CCDC141: variants seen among roughly 807,000 people sequenced by gnomAD.
The protein encoded by CCDC141 is coiled-coil domain containing 141.
In CCDC141, 168 loss-of-function variants were observed where a neutral mutation model predicts 181.0. That is an observed-to-expected ratio of 0.93 (90% CI 0.82 to 1.05). The LOEUF (loss-of-function observed/expected upper bound fraction) is 1.05. Among genes scored for constraint, CCDC141 ranks in the 50% least tolerant of loss-of-function variants. The pLI is 0.00. For missense variants in CCDC141, 1,902 were observed against 1,788.5 expected (o/e 1.06, Z -1.14); for synonymous variants, 666 against 642.3 (o/e 1.04, Z -0.56).
chr2:178,912,656 G>A (rs546604097), intron 7 of CCDC141, among the ~76,000 whole-genome samples: 3 of 152,242 alleles, frequency 2.0e-5, no homozygotes, highest in South Asian at 2.1e-4. Flanking sequence ...GGTGAGGTTT[G>A]CATCATCATG....
chr2:179,006,460 T>A (rs187529133), intron 2 of CCDC141, among the ~76,000 whole-genome samples: 30 of 152,286 alleles, frequency 2.0e-4, no homozygotes, highest in Admixed American at 7.8e-4. Context: ...GTAGGAAATA[T>A]CTGCACCCAT....
In CCDC141 at chr2:179,031,204, G is replaced by GT. The variant is rs3045788; in HGVS notation, c.225+16079dup. Among the ~76,000 whole-genome samples, 173 of 148,084 alleles carry GT rather than the reference G, an allele frequency of 1.2e-3. 1 individual carries two copies. The highest frequency in any genetic ancestry group is 3.6e-3 in the African/African-American group (143 of 39,702). On this transcript the variant is annotated intron_variant, in intron 2 of 23. Transcript: ENST00000443758. ...ACATATTATTAAATTATTTTCACTT[G>GT]TTTTTTTTTTTCTTCTTGAGTAGTT...
intron 7 of CCDC141, among the ~76,000 whole-genome samples, chr2:178,915,377 T>C (rs1688400322): frequency 6.6e-6 from 1 of 152,220 alleles, no homozygotes. Context: ...AAAGTATATT[T>C]AAAAAATCAT....
chr2:178,826,552 C>T (rs998659124), downstream of CCDC141, among the ~76,000 whole-genome samples: 2 of 151,946 alleles, frequency 1.3e-5, no homozygotes, highest in South Asian at 2.1e-4. Context: ...ATCATCTGGG[C>T]CTTGTGTTTT....
intron 8 of CCDC141, among the ~76,000 whole-genome samples, chr2:178,897,351 TGTTCCAAAAA>T (rs1327582285): frequency 1.3e-5 from 2 of 152,188 alleles, no homozygotes; most frequent in African/African-American, 4.8e-5. Context: ...GATCATGTCC[TGTTCCAAAAA>T]GTTCAAAACC....
intron 2 of CCDC141, among the ~76,000 whole-genome samples, chr2:179,006,695 A>T (rs145573582): frequency 6.6e-6 from 1 of 152,312 alleles, no homozygotes; most frequent in African/African-American, 2.4e-5. Flanking sequence ...GACATATAAT[A>T]TCTAAGACGT....
intron 2 of CCDC141, among the ~76,000 whole-genome samples, chr2:179,004,105 A>G (rs145699415): frequency 2.6e-5 from 4 of 152,276 alleles, no homozygotes; most frequent in East Asian, 3.9e-4. Context: ...TAGTAAATAC[A>G]ATTACCTCAA....
intron 8 of CCDC141, among the ~76,000 whole-genome samples, chr2:178,900,771 A>T (rs1429210006): frequency 2.0e-5 from 3 of 152,146 alleles, no homozygotes; most frequent in Non-Finnish European, 1.5e-5. Flanking sequence ...CAGCATCAAA[A>T]CTAAATAGGG....
chr2:178,931,381 T>C (rs1044428503), intron 6 of CCDC141, among the ~76,000 whole-genome samples: 1 of 152,150 alleles, frequency 6.6e-6, no homozygotes, highest in Non-Finnish European at 1.5e-5. Context: ...TGAATGTTCA[T>C]AGCAGCACTA....
intron 6 of CCDC141, among the ~76,000 whole-genome samples, chr2:178,937,307 C>T (rs150673694): frequency 2.6e-5 from 4 of 152,010 alleles, no homozygotes; most frequent in African/African-American, 9.6e-5. Context: ...TGAAGGAGTG[C>T]TTAATTTTAT....
At chr2:178,923,476 G>A (rs902061838) in intron 6 of CCDC141, among the ~76,000 whole-genome samples, 1 of 152,144 alleles carries the variant, frequency 6.6e-6, no homozygotes, top group Non-Finnish European at 1.5e-5. Flanking sequence ...AAATATAGTT[G>A]TCACCCTTGT....
At chr2:179,039,159 T>A (rs1182360073) in intron 2 of CCDC141, among the ~76,000 whole-genome samples, 3 of 152,146 alleles carry the variant, frequency 2.0e-5, no homozygotes, top group African/African-American at 7.2e-5. Flanking sequence ...TTTATTTTCA[T>A]CACTGAAAAC....
Position 178,878,300 on chromosome 2 carries a change from T to TTTATTTTA in CCDC141, c.1720-158_1720-157insTAAAATAA, listed in dbSNP as rs11282658. On this transcript the variant is annotated intron_variant, in intron 11 of 23. Transcript: ENST00000443758. Reference sequence around the variant, plus strand: ...ATTTATTTATTTATTTATTTATTTATTTTATTTATTTTAAGAGATAAGGTC... The same window carrying TTTATTTTA: ...ATTTATTTATTTATTTATTTATTTATTTATTTTATTTATTTATTTTAAGAGATAAGGTC... Among the ~76,000 whole-genome samples, 51,555 of 142,648 alleles carry TTTATTTTA rather than the reference T, an allele frequency of 0.36. 11,009 individuals are homozygous for TTTATTTTA. Among genetic ancestry groups the TTTATTTTA allele is most frequent in the Non-Finnish European group, 0.47 (31,192 of 65,898 alleles). 93.6% of individuals were successfully genotyped at this position (142,648 alleles called of 152,430 possible).
At chr2:179,040,407 TG>T (rs2043264206) in intron 2 of CCDC141, among the ~76,000 whole-genome samples, 1 of 152,244 alleles carries the variant, frequency 6.6e-6, no homozygotes, top group African/African-American at 2.4e-5. Context: ...GGGCTAAATG[TG>T]CAGGATGGGC....
intron 2 of CCDC141, among the ~76,000 whole-genome samples, chr2:179,045,738 T>G (rs886153160): frequency 6.6e-6 from 1 of 152,178 alleles, no homozygotes; most frequent in Non-Finnish European, 1.5e-5. Context: ...ATTGTGGTTT[T>G]GATTTGCATT....
intron 2 of CCDC141, among the ~76,000 whole-genome samples, chr2:178,995,898 T>A (rs1259304277): frequency 6.6e-6 from 1 of 152,210 alleles, no homozygotes; most frequent in Non-Finnish European, 1.5e-5. Context: ...GTATTGTGCA[T>A]ATTTTTCATT....
chr2:178,829,135 A>AT (rs887137025), downstream of CCDC141, among the ~76,000 whole-genome samples: 10 of 152,186 alleles, frequency 6.6e-5, no homozygotes, highest in South Asian at 2.1e-3. Flanking sequence ...GATTTGATCT[A>AT]TTTTTTTCAT....
intron 2 of CCDC141, among the ~76,000 whole-genome samples, chr2:179,032,612 T>C (rs1433649812): frequency 6.6e-6 from 1 of 152,168 alleles, no homozygotes. Context: ...TTTGGTGGTA[T>C]TTGGATTTCT....
At chr2:178,866,653 C>G (rs981288086) in intron 16 of CCDC141, among the ~76,000 whole-genome samples, 1 of 152,024 alleles carries the variant, frequency 6.6e-6, no homozygotes, top group African/African-American at 2.4e-5. Flanking sequence ...TCTTTTCTCC[C>G]CTCAAGTTAG....
Sources: gnomAD v4.1 joint callset for allele counts (sites outside exome capture counted in the v4.1 genomes callset) on GRCh38, gnomAD v4.1.1 for gene constraint, MANE v1.5 for transcripts, NCBI Gene and HGNC (gene_info 2026-07-23, HGNC 2026-07-21) for gene names.